TMTC1: variants seen among roughly 807,000 people sequenced by gnomAD.
TMTC1 encodes the protein protein O-mannosyl-transferase TMTC1.
TMTC1 carries 73 observed loss-of-function variants against 104.8 expected under a neutral mutation model. That is an observed-to-expected ratio of 0.70 (90% CI 0.58 to 0.85). TMTC1 has a LOEUF of 0.85. Ranked by LOEUF, TMTC1 falls within the 40% of genes least tolerant of loss-of-function variation. The pLI, the probability that TMTC1 is intolerant of heterozygous loss-of-function variation, is 0.00. For missense variants in TMTC1, 1,035 were observed against 1,096.1 expected (o/e 0.94, Z 0.79); for synonymous variants, 434 against 428.7 (o/e 1.01, Z -0.15).
chr12:29,526,717 A>C (rs1334533607), intron 11 of TMTC1, among the ~76,000 whole-genome samples: 1 of 152,192 alleles, frequency 6.6e-6, no homozygotes, highest in Non-Finnish European at 1.5e-5. Flanking sequence ...GAGCTTTTAG[A>C]AAATGTATCA....
intron 6 of TMTC1, among the ~76,000 whole-genome samples, chr12:29,611,973 T>C (rs140303294): frequency 6.6e-6 from 1 of 152,242 alleles, no homozygotes; most frequent in African/African-American, 2.4e-5. Flanking sequence ...TCCATTTTTG[T>C]AAGTGAGGAA....
chr12:29,688,222 A>C (rs1248045807), intron 5 of TMTC1, among the ~76,000 whole-genome samples: 1 of 152,130 alleles, frequency 6.6e-6, no homozygotes, highest in Admixed American at 6.6e-5. Flanking sequence ...TGCTTTTCCT[A>C]AGGGTCAACC....
intron 5 of TMTC1, among the ~76,000 whole-genome samples, chr12:29,646,164 ACTCACTC>A (rs1375022815): frequency 1.3e-5 from 2 of 152,132 alleles, no homozygotes; most frequent in Non-Finnish European, 2.9e-5. Flanking sequence ...TGAGACCCTG[ACTCACTC>A]CTTCATCAGT....
intron 5 of TMTC1, among the ~76,000 whole-genome samples, chr12:29,697,617 C>T (rs1018268371): frequency 5.9e-5 from 9 of 152,272 alleles, no homozygotes; most frequent in Middle Eastern, 6.8e-3. Flanking sequence ...AGGCTGATCT[C>T]GCTCCAGGAG....
At chr12:29,613,101 C>G (rs1565710043) in intron 6 of TMTC1, among the ~76,000 whole-genome samples, 1 of 152,194 alleles carries the variant, frequency 6.6e-6, no homozygotes. Flanking sequence ...AGGAATGTAA[C>G]ACTGTGATCA....
intron 1 of TMTC1, among the ~76,000 whole-genome samples, chr12:29,775,624 T>A (rs1452067733): frequency 6.6e-6 from 1 of 152,266 alleles, no homozygotes; most frequent in East Asian, 1.9e-4. Context: ...CAAGGTATGA[T>A]TACCTACCAG....
intron 5 of TMTC1, among the ~76,000 whole-genome samples, chr12:29,637,085 A>AAAACAC (rs374276185): frequency 0.043 from 2,070 of 47,650 alleles, 38 homozygotes; most frequent in South Asian, 0.078. Context: ...CAAAATGAGA[A>AAAACAC]ACACACACAC....
intron 9 of TMTC1, among the ~76,000 whole-genome samples, chr12:29,557,532 C>T (rs1291734426): frequency 6.6e-6 from 1 of 152,238 alleles, no homozygotes; most frequent in Non-Finnish European, 1.5e-5. Flanking sequence ...CTCACTGCAA[C>T]CCCCGCCTCC....
intron 7 of TMTC1, among the ~76,000 whole-genome samples, chr12:29,601,531 T>C (rs1946564815): frequency 6.6e-6 from 1 of 152,212 alleles, no homozygotes; most frequent in Non-Finnish European, 1.5e-5. Flanking sequence ...GAAAGTCCAT[T>C]ACTATGTGTA....
In TMTC1 at chr12:29,510,659, G is replaced by C. The variant is rs138947277; in HGVS notation, c.2508+1384C>G. 8.2e-3 allele frequency among the ~76,000 whole-genome samples: 1,252 copies of C among 152,270 alleles called. 16 individuals are homozygous for C. The highest frequency in any genetic ancestry group is 0.029 in the African/African-American group (1,199 of 41,546). On this transcript the variant is annotated intron_variant, in intron 17 of 17. Transcript: ENST00000539277. ...TCATCTTTTTTGTGTGTGTTTCCAA[G>C]AGTGATCAGTTTCCACTTAACAGTA...
At chr12:29,632,137 C>G (rs952446914) in intron 6 of TMTC1, among the ~76,000 whole-genome samples, 1 of 152,150 alleles carries the variant, frequency 6.6e-6, no homozygotes, top group African/African-American at 2.4e-5. Context: ...CTTTCCCAAA[C>G]CAAATTTTTC....
chr12:29,575,467 T>C (rs1042655606), intron 8 of TMTC1, among the ~76,000 whole-genome samples: 2 of 151,936 alleles, frequency 1.3e-5, no homozygotes, highest in Non-Finnish European at 2.9e-5. Context: ...TTCCTCGTTT[T>C]ATATGGGCGC....
chr12:29,583,608 T>TG (rs1946044922), intron 7 of TMTC1, 34 bp from the exon 8 acceptor site: 1 of 1,595,018 alleles, frequency 6.3e-7, no homozygotes, highest in Admixed American at 1.7e-5. Context: ...GGGATTACTT[T>TG]GGGGGTGCAA....
intron 5 of TMTC1, among the ~76,000 whole-genome samples, chr12:29,717,307 A>T (rs1179258625): frequency 1.3e-5 from 2 of 152,210 alleles, no homozygotes; most frequent in Non-Finnish European, 2.9e-5. Flanking sequence ...GAGTAAGTGG[A>T]CCAAAATGTT....
At chr12:29,660,504 A>G (rs1939967734) in intron 5 of TMTC1, among the ~76,000 whole-genome samples, 2 of 152,206 alleles carry the variant, frequency 1.3e-5, no homozygotes, top group African/African-American at 4.8e-5. Context: ...TGATACAGCC[A>G]GGATTGCACT....
chr12:29,714,828 T>A (rs1591965389), intron 5 of TMTC1, among the ~76,000 whole-genome samples: 1 of 152,284 alleles, frequency 6.6e-6, no homozygotes, highest in East Asian at 1.9e-4. Flanking sequence ...GTGGTCATGA[T>A]CTTAACACTG....
chr12:29,646,160 C>A (rs184839104), intron 5 of TMTC1, among the ~76,000 whole-genome samples: 2 of 152,208 alleles, frequency 1.3e-5, no homozygotes, highest in East Asian at 3.9e-4. Context: ...CGCCTGAGAC[C>A]CTGACTCACT....
At chr12:29,610,768 A>AC (rs1946825228) in intron 6 of TMTC1, among the ~76,000 whole-genome samples, 1 of 152,222 alleles carries the variant, frequency 6.6e-6, no homozygotes, top group African/African-American at 2.4e-5. Context: ...GGTGCCATTT[A>AC]CATTTTTTTC....
At chr12:29,635,976 G>A (rs181659221) in intron 5 of TMTC1, among the ~76,000 whole-genome samples, 196 of 152,334 alleles carry the variant, frequency 1.3e-3, no homozygotes, top group South Asian at 0.011. Flanking sequence ...TTAGGACACC[G>A]TCAGAATAAA....
Sources: gnomAD v4.1 joint callset for allele counts (sites outside exome capture counted in the v4.1 genomes callset) on GRCh38, gnomAD v4.1.1 for gene constraint, MANE v1.5 for transcripts, NCBI Gene and HGNC (gene_info 2026-07-23, HGNC 2026-07-21) for gene names.